Variants in ENOX1 observed in about 807,000 individuals in gnomAD.
ENOX1 encodes the protein ecto-NOX disulfide-thiol exchanger 1.
ENOX1 carries 42 observed loss-of-function variants against 82.5 expected under a neutral mutation model. The observed-to-expected ratio is 0.51, with a 90% CI of 0.40 to 0.66. ENOX1 has a LOEUF of 0.66. Among genes scored for constraint, ENOX1 ranks in the 30% least tolerant of loss-of-function variants. ENOX1 has a pLI of 0.00. For missense variants in ENOX1, 608 were observed against 811.6 expected (o/e 0.75, Z 3.05); for synonymous variants, 271 against 282.2 (o/e 0.96, Z 0.40).
intron 3 of ENOX1, among the ~76,000 whole-genome samples, chr13:43,452,353 T>A (rs4941460): frequency 1.3e-5 from 2 of 151,936 alleles, no homozygotes; most frequent in Non-Finnish European, 2.9e-5. Flanking sequence ...CTCCCACTTA[T>A]GAGTAAAAAC....
intron 3 of ENOX1, among the ~76,000 whole-genome samples, chr13:43,417,242 CGGGAGA>C (rs66971009): frequency 0.16 from 12,845 of 82,798 alleles, 904 homozygotes; most frequent in East Asian, 0.42. Context: ...AGACGGGAGA[CGGGAGA>C]GGGAGAGGGA....
At chr13:43,693,142 AATC>A (rs1400541253) in intron 1 of ENOX1, among the ~76,000 whole-genome samples, 2 of 152,172 alleles carry the variant, frequency 1.3e-5, no homozygotes, top group African/African-American at 2.4e-5. Flanking sequence ...TCAAAATGTA[AATC>A]ATCATCTCTA....
At chr13:43,251,267 A>G (rs2043439116) in intron 14 of ENOX1, among the ~76,000 whole-genome samples, 1 of 152,222 alleles carries the variant, frequency 6.6e-6, no homozygotes, top group Non-Finnish European at 1.5e-5. Flanking sequence ...CTTAAAGTTA[A>G]CTGGAGTGAT....
At chr13:43,647,914 C>T (rs924647699) in intron 2 of ENOX1, among the ~76,000 whole-genome samples, 8 of 152,170 alleles carry the variant, frequency 5.3e-5, no homozygotes, top group African/African-American at 1.7e-4. Flanking sequence ...GAGAAGGTCT[C>T]GACCCACCAT....
chr13:43,407,382 A>G (rs990214323), intron 5 of ENOX1, among the ~76,000 whole-genome samples: 5 of 152,220 alleles, frequency 3.3e-5, no homozygotes, highest in African/African-American at 1.2e-4. Flanking sequence ...GGATCTCCAC[A>G]GTGAATATTC....
At chr13:43,503,815 C>T (rs1038664906) in intron 2 of ENOX1, among the ~76,000 whole-genome samples, 1 of 151,626 alleles carries the variant, frequency 6.6e-6, no homozygotes, top group Non-Finnish European at 1.5e-5. Flanking sequence ...TACCAAAGGA[C>T]AGGCAACAAG....
chr13:43,716,094 G>T (rs964448332), intron 1 of ENOX1, among the ~76,000 whole-genome samples: 3 of 152,216 alleles, frequency 2.0e-5, no homozygotes, highest in African/African-American at 7.2e-5. Flanking sequence ...TTGTTCCGTT[G>T]CTGGTGAGGA....
At chr13:43,709,171 A>G (rs2087520403) in intron 1 of ENOX1, among the ~76,000 whole-genome samples, 1 of 152,174 alleles carries the variant, frequency 6.6e-6, no homozygotes, top group Non-Finnish European at 1.5e-5. Context: ...GCGAATTAGT[A>G]TAAGAAACGG....
At chr13:43,590,738 T>G (rs2081208796) in intron 2 of ENOX1, among the ~76,000 whole-genome samples, 1 of 147,574 alleles carries the variant, frequency 6.8e-6, no homozygotes, top group African/African-American at 2.5e-5. Context: ...ATCACACCAC[T>G]GTGCTCTAGC....
intron 14 of ENOX1, among the ~76,000 whole-genome samples, chr13:43,240,388 A>G (rs753542968): frequency 6.6e-6 from 1 of 152,202 alleles, no homozygotes; most frequent in Non-Finnish European, 1.5e-5. Context: ...CATGGTAAGA[A>G]GTGTAGATTT....
intron 14 of ENOX1, among the ~76,000 whole-genome samples, chr13:43,253,171 A>G (rs1448739103): frequency 6.6e-6 from 1 of 152,194 alleles, no homozygotes; most frequent in Non-Finnish European, 1.5e-5. Context: ...GGAGAGCTGC[A>G]TGATGGTGAA....
intron 2 of ENOX1, among the ~76,000 whole-genome samples, chr13:43,642,396 G>A (rs1470952860): frequency 6.6e-6 from 1 of 152,148 alleles, no homozygotes; most frequent in Non-Finnish European, 1.5e-5. Context: ...AACCAATAAG[G>A]TGAAGAATAG....
chr13:43,771,933 A>ATTTTTTT (rs34718451), intron 1 of ENOX1, among the ~76,000 whole-genome samples: 1,935 of 99,582 alleles, frequency 0.019, no homozygotes, highest in Non-Finnish European at 0.028. Flanking sequence ...CGCCCGGCTA[A>ATTTTTTT]TTTTTTTTTT....
intron 3 of ENOX1, among the ~76,000 whole-genome samples, chr13:43,443,196 CT>C (rs1373576831): frequency 2.6e-5 from 4 of 152,102 alleles, no homozygotes; most frequent in Non-Finnish European, 5.9e-5. Context: ...CAGTATAAAT[CT>C]TTCGTATATA....
intron 12 of ENOX1, among the ~76,000 whole-genome samples, chr13:43,283,549 A>C (rs2045521175): frequency 6.6e-6 from 1 of 151,992 alleles, no homozygotes; most frequent in African/African-American, 2.4e-5. Flanking sequence ...GGCTCAAGGG[A>C]ATTATCCCAC....
intron 14 of ENOX1, among the ~76,000 whole-genome samples, chr13:43,248,209 A>G (rs1460134586): frequency 6.6e-6 from 1 of 151,872 alleles, no homozygotes; most frequent in Non-Finnish European, 1.5e-5. Context: ...TAAAAGAAAA[A>G]ATATAAATAG....
At chr13:43,270,392 C>A (rs1360840875) in intron 12 of ENOX1, among the ~76,000 whole-genome samples, 1 of 152,212 alleles carries the variant, frequency 6.6e-6, no homozygotes, top group Admixed American at 6.5e-5. Flanking sequence ...TTCGAAAAGA[C>A]AGAGTGCATT....
At chr13:43,710,931 T>TATA (rs1247968469) in intron 1 of ENOX1, among the ~76,000 whole-genome samples, 17 of 152,140 alleles carry the variant, frequency 1.1e-4, no homozygotes, top group African/African-American at 3.9e-4. Flanking sequence ...TTATTATTAT[T>TATA]ATACTTTAAG....
intron 1 of ENOX1, among the ~76,000 whole-genome samples, chr13:43,736,147 T>C (rs2089619679): frequency 6.6e-6 from 1 of 152,208 alleles, no homozygotes; most frequent in Non-Finnish European, 1.5e-5. Flanking sequence ...TGTAGAAACT[T>C]CTGCTACAGT....
Sources: gnomAD v4.1 joint callset for allele counts (sites outside exome capture counted in the v4.1 genomes callset) on GRCh38, gnomAD v4.1.1 for gene constraint, MANE v1.5 for transcripts, NCBI Gene and HGNC (gene_info 2026-07-23, HGNC 2026-07-21) for gene names.